The following NUFIP1 variants were observed in gnomAD, a reference collection of about 807,000 sequenced individuals.
The protein encoded by NUFIP1 is nuclear FMR1 interacting protein 1.
NUFIP1 carries 38 observed loss-of-function variants against 56.2 expected under a neutral mutation model. That is an observed-to-expected ratio of 0.68 (90% confidence interval 0.52 to 0.89). The LOEUF is 0.89. Among genes scored for constraint, NUFIP1 ranks in the 40% least tolerant of loss-of-function variants. The probability of loss-of-function intolerance (pLI) is 0.00; values close to 1 mark genes in which losing one functional copy is unlikely to be tolerated. For synonymous variants in NUFIP1, 215 were observed against 212.4 expected, an observed-to-expected ratio of 1.01 and a Z score of -0.10; for missense variants, 567 against 605.8, an observed-to-expected ratio of 0.94 and a Z score of 0.67.
At chr13:44,943,037 G>T (rs982612953) in intron 9 of NUFIP1, among the ~76,000 whole-genome samples, 6 of 151,376 alleles carry the variant, frequency 4.0e-5, no homozygotes, top group African/African-American at 1.5e-4. Context: ...TAACAAATGA[G>T]AATTGTCAGA....
At chr13:44,949,875 A>T in intron 7 of NUFIP1, 37 bp from the exon 8 acceptor site, 2 of 1,366,454 alleles carry the variant, frequency 1.5e-6, no homozygotes, top group Non-Finnish European at 2.1e-6. Context: ...AACATCTACC[A>T]CCATAAAAAA....
At chr13:44,970,119 G>T (rs1017653048) in intron 5 of NUFIP1, among the ~76,000 whole-genome samples, 1 of 152,164 alleles carries the variant, frequency 6.6e-6, no homozygotes, top group Non-Finnish European at 1.5e-5. Flanking sequence ...ATAAAAGCAA[G>T]GTTTTGGAAA....
intron 6 of NUFIP1, 52 bp downstream of exon 6, chr13:44,965,792 T>C: frequency 9.8e-7 from 1 of 1,023,122 alleles, no homozygotes. Context: ...ATAAGGGTTT[T>C]AAGATTTTGT....
chr13:44,967,901 G>A (rs1194996091), intron 5 of NUFIP1, among the ~76,000 whole-genome samples: 3 of 152,070 alleles, frequency 2.0e-5, no homozygotes, highest in African/African-American at 7.2e-5. Context: ...AGTAAGTTTG[G>A]AGAAACATCA....
At chr13:44,944,037 T>C (rs1593356043) in intron 8 of NUFIP1, among the ~76,000 whole-genome samples, 1 of 152,122 alleles carries the variant, frequency 6.6e-6, no homozygotes, top group East Asian at 1.9e-4. Context: ...ATTTTAAAAC[T>C]AAAGCAAAAA....
chr13:44,951,236 C>T (rs149087179), intron 7 of NUFIP1, among the ~76,000 whole-genome samples: 37 of 152,248 alleles, frequency 2.4e-4, no homozygotes, highest in Admixed American at 9.2e-4. Context: ...CATTCATTGG[C>T]TGAATGATGA....
At chr13:44,949,199 A>ATTTTTTTTTT (rs11421255) in intron 8 of NUFIP1, among the ~76,000 whole-genome samples, 1 of 112,648 alleles carries the variant, frequency 8.9e-6, no homozygotes, top group African/African-American at 3.6e-5. Flanking sequence ...ATTATATTGT[A>ATTTTTTTTTT]TTTTTTTTTT....
In NUFIP1 at chr13:44,965,929, G is replaced by T; in HGVS notation, c.742C>A (p.Pro248Thr). ...RWREERRKNY[P>T]TLANIERKKK... ...TTCCTTTCAATATTGGCCAGAGTTG[G>T]ATAGTTTCTAGAAAATAATAAAAGT... Residue 248 changes from proline (P) to threonine (T), a missense_variant, in exon 6 of 10, where the codon CCA becomes ACA. Pro to Thr is a conservative substitution (Grantham distance 38). Transcript: ENST00000379161. The T allele has an allele frequency of 6.4e-7, 1 of 1,555,358 alleles. No individual in the cohort carries two copies. The highest frequency in any genetic ancestry group is 8.7e-7 in the Non-Finnish European group (1 of 1,149,822).
chr13:44,941,541 T>C (rs1870736233), intron 9 of NUFIP1, among the ~76,000 whole-genome samples: 1 of 152,226 alleles, frequency 6.6e-6, no homozygotes, highest in African/African-American at 2.4e-5. Context: ...TGAGACGGAG[T>C]CTCGCTCTGT....
At chr13:44,959,270 T>C (rs1363602389) in intron 7 of NUFIP1, 111 bp downstream of exon 7, 1 of 961,910 alleles carries the variant, frequency 1.0e-6, no homozygotes, top group Non-Finnish European at 1.6e-6. Context: ...AGCATCATTC[T>C]GCATTGTTAT....
rs564364976 is a variant in NUFIP1, at chr13:44,942,494, G to A, written c.1371+948C>T. Among the ~76,000 whole-genome samples, 23 of 152,292 alleles carry A rather than the reference G, an allele frequency of 1.5e-4. No homozygotes were observed. In the South Asian group the frequency reaches 4.4e-3, roughly 29 times the overall value. ...AGATCCATTTTAATAGGAAGCAACTGTGCTACATGTAGCACCTCAAGAGTG... is the reference window on the plus strand; with the variant it reads ...AGATCCATTTTAATAGGAAGCAACTATGCTACATGTAGCACCTCAAGAGTG... On this transcript the variant is annotated intron_variant, in intron 9 of 9. Transcript: ENST00000379161.
At position 44,979,931 on chromosome 13, in the gene NUFIP1, A is replaced by C. The variant is rs2137922985; in HGVS notation, c.616T>G (p.Phe206Val). 6.2e-7 allele frequency: 1 copy of C among 1,603,658 alleles called. No homozygotes were observed. The highest frequency in any genetic ancestry group is 1.7e-4 in the Middle Eastern group (1 of 5,992). The change falls in exon 4 of 10, where the codon TTT (phenylalanine) becomes GTT (valine). Residue 206 changes from phenylalanine (F) to valine (V), a missense_variant. Coordinates refer to ENST00000379161, the MANE Select transcript of NUFIP1 (RefSeq NM_012345.3). ...HTKCPELDCS[F>V]TAHEKIVQFH... ...TGGACAATCTTCTCGTGTGCAGTAA[A>C]AGAGCAATCTAATTCAGGGCACTAT... is the stretch of plus-strand genomic sequence containing the variant.
intron 1 of NUFIP1, among the ~76,000 whole-genome samples, chr13:44,983,489 T>TAAA (rs1157611321): frequency 8.9e-6 from 1 of 112,084 alleles, no homozygotes; most frequent in Non-Finnish European, 1.9e-5. Context: ...CCGTCTCAAA[T>TAAA]AAAAAAAAAA....
At chr13:44,978,727 CAAG>C (rs930242811) in intron 5 of NUFIP1, among the ~76,000 whole-genome samples, 2 of 152,100 alleles carry the variant, frequency 1.3e-5, no homozygotes, top group Non-Finnish European at 2.9e-5. Flanking sequence ...GGGATGAAAA[CAAG>C]AAGAACTATC....
chr13:44,983,167 A>G (rs951597380), intron 1 of NUFIP1, among the ~76,000 whole-genome samples: 18 of 151,434 alleles, frequency 1.2e-4, no homozygotes, highest in South Asian at 8.4e-4. Flanking sequence ...CCTGTCTCTT[A>G]TTTTATTTTA....
intron 7 of NUFIP1, among the ~76,000 whole-genome samples, chr13:44,958,361 G>A (rs1016230017): frequency 2.6e-5 from 4 of 152,270 alleles, no homozygotes; most frequent in Middle Eastern, 3.4e-3. Flanking sequence ...GTAAAAGGCT[G>A]TCATAAGAAG....
At position 44,959,015 on chromosome 13, in the gene NUFIP1, G is replaced by A. The variant is rs188967642; in HGVS notation, c.1021+366C>T. Among the ~76,000 whole-genome samples the A allele has an allele frequency of 7.1e-4, 108 of 152,248 alleles. 1 individual carries two copies. The Middle Eastern group carries it at 0.01, about 14-fold the overall frequency. ...AGTAGCATAAAGTATACTGACTTCC[G>A]TTAGAATTGCTGCTTTATAGGTAAA... is the stretch of plus-strand genomic sequence containing the variant. On this transcript the variant is annotated intron_variant, in intron 7 of 9. Transcript: ENST00000379161.
chr13:44,972,464 C>A (rs974315875), intron 5 of NUFIP1, among the ~76,000 whole-genome samples: 6 of 152,104 alleles, frequency 3.9e-5, no homozygotes, highest in African/African-American at 1.4e-4. Flanking sequence ...AATATAAGAA[C>A]AAAAAATAAA....
intron 1 of NUFIP1, 83 bp downstream of exon 1, chr13:44,988,942 T>C: frequency 7.2e-7 from 1 of 1,381,746 alleles, no homozygotes; most frequent in South Asian, 1.3e-5. Flanking sequence ...CAAGGCAGAG[T>C]AGAGAGAGGA....
Sources: allele counts gnomAD v4.1 joint callset (sites outside exome capture counted in the v4.1 genomes callset), GRCh38; gene constraint gnomAD v4.1.1; transcripts MANE v1.5; gene names NCBI Gene and HGNC (gene_info 2026-07-23, HGNC 2026-07-21).